RPA1: variants seen among roughly 807,000 people sequenced by gnomAD.
RPA1 encodes the protein replication protein A1.
In RPA1, 49 loss-of-function variants were observed where a neutral mutation model predicts 83.0. The ratio of observed to expected loss-of-function variants is 0.59; its 90% CI spans 0.47 to 0.75. The LOEUF (loss-of-function observed/expected upper bound fraction) is 0.75. Ranked by LOEUF, RPA1 falls within the 30% of genes least tolerant of loss-of-function variation. RPA1 has a pLI of 0.00. For synonymous variants in RPA1, 279 were observed against 281.8 expected (o/e 0.99, Z 0.10); for missense variants, 693 against 776.1 (o/e 0.89, Z 1.27).
At chr17:1,857,696 T>C (rs1429234270) in intron 5 of RPA1, among the ~76,000 whole-genome samples, 8 of 133,732 alleles carry the variant, frequency 6.0e-5, no homozygotes, top group Non-Finnish European at 1.2e-4. Flanking sequence ...AGAGCTGGCA[T>C]TGTTTCCACT....
intron 1 of RPA1, among the ~76,000 whole-genome samples, chr17:1,834,009 C>G (rs559732681): frequency 3.9e-5 from 6 of 152,212 alleles, no homozygotes; most frequent in Admixed American, 6.5e-5. Flanking sequence ...TGGGGAAACC[C>G]TGGTCTACTA....
intron 15 of RPA1, among the ~76,000 whole-genome samples, chr17:1,893,711 A>T (rs555616560): frequency 6.6e-6 from 1 of 151,414 alleles, no homozygotes; most frequent in Non-Finnish European, 1.5e-5. Context: ...ATTGCATTTG[A>T]GGAGTGAGAG....
intron 12 of RPA1, among the ~76,000 whole-genome samples, chr17:1,881,660 T>C (rs1388624515): frequency 6.6e-6 from 1 of 152,208 alleles, no homozygotes; most frequent in African/African-American, 2.4e-5. Flanking sequence ...ATTCCCACAT[T>C]AAAATCGCAT....
In RPA1 at chr17:1,834,295, G is replaced by A. The variant is rs538910933; in HGVS notation, c.33+4169G>A. On this transcript the variant is annotated intron_variant, in intron 1 of 16. Coordinates refer to ENST00000254719, the MANE Select transcript of RPA1 (RefSeq NM_002945.5). Reference sequence around the variant, plus strand: ...TAGTCTCAAACTCCTGGGCTTAAGCGATCCTCTCGCCTCAGCTTCCCAAAG... The same window carrying A: ...TAGTCTCAAACTCCTGGGCTTAAGCAATCCTCTCGCCTCAGCTTCCCAAAG... Among the ~76,000 whole-genome samples, 58 of 152,206 alleles carry A rather than the reference G, an allele frequency of 3.8e-4. No homozygotes were observed. The South Asian group carries it at 3.9e-3, about 10-fold the overall frequency.
intron 5 of RPA1, among the ~76,000 whole-genome samples, chr17:1,853,729 TA>T (rs942263773): frequency 8.6e-5 from 13 of 151,682 alleles, no homozygotes; most frequent in African/African-American, 2.7e-4. Flanking sequence ...TATACTAGAC[TA>T]AAAAAAAATC....
rs549283337 is a variant in RPA1, at chr17:1,887,640, C to G, written c.1375-1035C>G. On this transcript the variant is annotated intron_variant, in intron 13 of 16. Transcript: ENST00000254719. ...TGGTGGCTTACTCCTATAATCCTAG[C>G]ACTTCGGGAGGCCAAGGTGGGTGGA... is the stretch of plus-strand genomic sequence containing the variant. Among the ~76,000 whole-genome samples, 5 of 151,830 alleles carry G rather than the reference C, an allele frequency of 3.3e-5. No homozygotes were observed. The South Asian group carries it at 6.2e-4, about 19-fold the overall frequency.
At chr17:1,836,094 T>A (rs7225567) in intron 1 of RPA1, among the ~76,000 whole-genome samples, 17 of 152,064 alleles carry the variant, frequency 1.1e-4, no homozygotes, top group African/African-American at 3.9e-4. Flanking sequence ...TGCTTACGTA[T>A]AGTAAATTGC....
intron 7 of RPA1, among the ~76,000 whole-genome samples, 191 bp downstream of exon 7, chr17:1,875,984 T>C (rs1057269409): frequency 5.3e-5 from 8 of 151,956 alleles, no homozygotes; most frequent in African/African-American, 1.9e-4. Flanking sequence ...CTTTTAACTC[T>C]TGTTGGAAAA....
chr17:1,878,150 G>T (rs1281616367), intron 8 of RPA1, among the ~76,000 whole-genome samples: 1 of 151,800 alleles, frequency 6.6e-6, no homozygotes, highest in African/African-American at 2.4e-5. Flanking sequence ...AGAATCAATC[G>T]CCTGAACCAA....
intron 5 of RPA1, among the ~76,000 whole-genome samples, chr17:1,860,759 A>T (rs1225992143): frequency 1.3e-5 from 2 of 152,036 alleles, no homozygotes; most frequent in Non-Finnish European, 2.9e-5. Context: ...GCTGCTTTTC[A>T]TGCCTGGCCC....
chr17:1,883,788 A>G (rs769562610), intron 12 of RPA1, 24 bp from the exon 13 acceptor site: 5 of 1,613,508 alleles, frequency 3.1e-6, no homozygotes, highest in Non-Finnish European at 4.2e-6. Context: ...AGCGCTCGTC[A>G]TCGTTATTCG....
intron 1 of RPA1, among the ~76,000 whole-genome samples, chr17:1,839,000 G>A (rs1310844158): frequency 6.6e-6 from 1 of 151,906 alleles, no homozygotes; most frequent in Admixed American, 6.6e-5. Context: ...ACAGGCACCC[G>A]CCACCATGCC....
intron 12 of RPA1, among the ~76,000 whole-genome samples, chr17:1,880,971 G>C (rs1284365652): frequency 6.6e-6 from 1 of 152,222 alleles, no homozygotes; most frequent in East Asian, 1.9e-4. Flanking sequence ...GGACGGCCAG[G>C]CTTCAGCAGC....
chr17:1,845,417 T>C (rs1912219620), intron 4 of RPA1, among the ~76,000 whole-genome samples: 4 of 150,972 alleles, frequency 2.6e-5, no homozygotes, highest in South Asian at 4.2e-4. Flanking sequence ...CACGCTACAG[T>C]CCTAGCTACA....
rs754634380 is a variant in RPA1, at chr17:1,844,699, T to A, written c.272+13T>A. 1 of 1,587,988 alleles carries A rather than the reference T, an allele frequency of 6.3e-7. No homozygotes were observed. The highest frequency in any genetic ancestry group is 8.6e-7 in the Non-Finnish European group (1 of 1,158,096). Reference sequence around the variant, plus strand: ...TGAAAGACGGAAGGTATGTGCTGTGTTTTTTTCTGTCTTATTGTATCGTAG... The same window carrying A: ...TGAAAGACGGAAGGTATGTGCTGTGATTTTTTCTGTCTTATTGTATCGTAG... On this transcript the variant is annotated intron_variant, in intron 4 of 16. Coordinates refer to ENST00000254719, the MANE Select transcript of RPA1 (RefSeq NM_002945.5).
rs1267255409 is a variant in RPA1 at position 1,883,744 on chromosome 17, G to C, written c.1242-68G>C. 2.5e-6 allele frequency: 4 copies of C among 1,602,926 alleles called. No homozygotes were observed. The African/African-American group carries it at 5.4e-5, about 21-fold the overall frequency. On this transcript the variant is annotated intron_variant, in intron 12 of 16. Transcript: ENST00000254719. ...ACCTGTGTCTGTCGCGTAGCAGCAA[G>C]TTGCATGTGGAGAAGCAGAAGCATG...
At chr17:1,896,670 C>T (rs1323551189) in intron 16 of RPA1, among the ~76,000 whole-genome samples, 1 of 152,176 alleles carries the variant, frequency 6.6e-6, no homozygotes, top group Non-Finnish European at 1.5e-5. Context: ...TTCCTTTCAC[C>T]ACTCAGCTTT....
intron 1 of RPA1, among the ~76,000 whole-genome samples, chr17:1,840,444 G>A (rs896249555): frequency 6.6e-6 from 1 of 152,000 alleles, no homozygotes; most frequent in South Asian, 2.1e-4. Flanking sequence ...GTCCCACCAC[G>A]CCCGGTTAAT....
intron 6 of RPA1, among the ~76,000 whole-genome samples, chr17:1,875,068 T>C (rs1306357022): frequency 6.6e-6 from 1 of 152,232 alleles, no homozygotes; most frequent in Non-Finnish European, 1.5e-5. Context: ...GGAAGGGTCT[T>C]AGTGGTCACC....
Sources: allele counts gnomAD v4.1 joint callset (sites outside exome capture counted in the v4.1 genomes callset), GRCh38; gene constraint gnomAD v4.1.1; transcripts MANE v1.5; gene names NCBI Gene and HGNC (gene_info 2026-07-23, HGNC 2026-07-21).